The following COL21A1 variants were observed in gnomAD, a reference collection of about 807,000 sequenced individuals.
COL21A1 encodes collagen type XXI alpha 1 chain.
Under a neutral mutation model 137.9 loss-of-function variants are expected in COL21A1, and 149 were observed. The observed-to-expected ratio is 1.08, with a 90% CI of 0.95 to 1.24. The LOEUF (loss-of-function observed/expected upper bound fraction) is 1.24. Ranked by LOEUF, COL21A1 falls within the 50% of genes most tolerant of loss-of-function variation. COL21A1 has a pLI of 0.00. For missense variants in COL21A1, 1,167 were observed against 1,158.4 expected (o/e 1.01, Z -0.11); for synonymous variants, 456 against 391.5 (o/e 1.16, Z -1.95).
chr6:56,076,108 C>G (rs1767214344), intron 18 of COL21A1, among the ~76,000 whole-genome samples: 1 of 151,316 alleles, frequency 6.6e-6, no homozygotes, highest in African/African-American at 2.4e-5. Context: ...AGAAACCATG[C>G]CAGAGACAGA....
intron 12 of COL21A1, among the ~76,000 whole-genome samples, chr6:56,137,994 G>C (rs947300903): frequency 6.6e-6 from 1 of 152,126 alleles, no homozygotes; most frequent in Non-Finnish European, 1.5e-5. Flanking sequence ...ATTTAGGGAG[G>C]GCAAAGCTAG....
chr6:56,191,404 G>A (rs1778663892), intron 1 of COL21A1, among the ~76,000 whole-genome samples: 1 of 147,980 alleles, frequency 6.8e-6, no homozygotes, highest in Non-Finnish European at 1.5e-5. Context: ...GACCAACATG[G>A]TGAAACCCAT....
At chr6:56,121,933 A>G (rs1423346128) in intron 16 of COL21A1, among the ~76,000 whole-genome samples, 1 of 152,114 alleles carries the variant, frequency 6.6e-6, no homozygotes, top group African/African-American at 2.4e-5. Context: ...GACCCATGCT[A>G]ATGAGAAAAT....
At position 56,152,031 on chromosome 6, in the gene COL21A1, T is replaced by C. The variant is rs150648969; in HGVS notation, c.1434+4856A>G. Among the ~76,000 whole-genome samples, 929 of 152,324 alleles carry C rather than the reference T, an allele frequency of 6.1e-3. 10 individuals carry two copies. The highest frequency in any genetic ancestry group is 0.021 in the African/African-American group (892 of 41,566). ...ATGTATCAGTTTCCTACTGCTGCTA[T>C]AACAAATTACCCCAAACACAGCAGC... On this transcript the variant is annotated intron_variant, in intron 10 of 29. Coordinates refer to ENST00000244728, the MANE Select transcript of COL21A1 (RefSeq NM_030820.4).
chr6:56,338,077 C>T (rs1474072442), intron 1 of COL21A1, among the ~76,000 whole-genome samples: 6 of 151,258 alleles, frequency 4.0e-5, no homozygotes, highest in East Asian at 2.0e-4. Context: ...ATTCTCCTGC[C>T]TCATCCTCCC....
chr6:56,319,453 T>C (rs1416644092), intron 1 of COL21A1, among the ~76,000 whole-genome samples: 1 of 152,152 alleles, frequency 6.6e-6, no homozygotes, highest in Non-Finnish European at 1.5e-5. Context: ...TTCTCTTGCC[T>C]CAGCTTCCCA....
At chr6:56,075,787 T>G (rs1474293078) in intron 18 of COL21A1, among the ~76,000 whole-genome samples, 1 of 151,430 alleles carries the variant, frequency 6.6e-6, no homozygotes, top group Non-Finnish European at 1.5e-5. Context: ...CCTAGTAGCT[T>G]AGATGGAGTT....
chr6:56,104,056 T>C (rs1770673110), intron 16 of COL21A1, among the ~76,000 whole-genome samples: 1 of 152,220 alleles, frequency 6.6e-6, no homozygotes, highest in Non-Finnish European at 1.5e-5. Flanking sequence ...CTGAATTTTA[T>C]TATGCTAAGT....
At chr6:56,158,265 TC>T (rs1554147708) in intron 9 of COL21A1, among the ~76,000 whole-genome samples, 3 of 77,310 alleles carry the variant, frequency 3.9e-5, no homozygotes, top group African/African-American at 1.1e-4. Context: ...TTTTTTTTTT[TC>T]TTTTTTTTTT....
intron 16 of COL21A1, among the ~76,000 whole-genome samples, chr6:56,102,987 T>C (rs1398966222): frequency 1.3e-5 from 2 of 152,116 alleles, no homozygotes; most frequent in African/African-American, 4.8e-5. Flanking sequence ...AAAGCTAGTT[T>C]AAAAAGCCTG....
chr6:56,365,947 A>C (rs972030285), intron 1 of COL21A1, among the ~76,000 whole-genome samples: 2 of 152,228 alleles, frequency 1.3e-5, no homozygotes, highest in Non-Finnish European at 2.9e-5. Flanking sequence ...AAAAAAGAAT[A>C]AAAAGACAAC....
chr6:56,123,638 G>A (rs1413873582), intron 16 of COL21A1, among the ~76,000 whole-genome samples: 2 of 152,090 alleles, frequency 1.3e-5, no homozygotes, highest in Non-Finnish European at 2.9e-5. Context: ...TTTTTTCATA[G>A]ACAATGAATT....
intron 1 of COL21A1, among the ~76,000 whole-genome samples, chr6:56,260,967 C>T (rs1475604480): frequency 1.3e-5 from 2 of 151,016 alleles, no homozygotes; most frequent in Non-Finnish European, 2.9e-5. Context: ...TCTTTTCTTA[C>T]ATATTCAAGT....
chr6:56,279,077 A>T (rs1763736151), intron 1 of COL21A1, among the ~76,000 whole-genome samples: 1 of 152,052 alleles, frequency 6.6e-6, no homozygotes, highest in Non-Finnish European at 1.5e-5. Flanking sequence ...GATCACAGAG[A>T]TGTTTCTCAT....
chr6:56,084,448 A>C (rs1483788251), intron 17 of COL21A1, among the ~76,000 whole-genome samples: 1 of 151,934 alleles, frequency 6.6e-6, no homozygotes, highest in Non-Finnish European at 1.5e-5. Context: ...ATGAGTAACA[A>C]TTGTTACTGC....
At chr6:56,069,144 A>G (rs12189567) in intron 21 of COL21A1, 27 bp from the exon 22 acceptor site, 217,950 of 1,503,964 alleles carry the variant, frequency 0.14, 16,272 homozygotes, top group Admixed American at 0.17. Context: ...TTCCAGAAAG[A>G]TCACAGATCT....
intron 1 of COL21A1, among the ~76,000 whole-genome samples, chr6:56,303,707 A>G (rs1764360063): frequency 6.6e-6 from 1 of 152,108 alleles, no homozygotes. Context: ...TCTTTTCCTA[A>G]TTGAATACCC....
intron 1 of COL21A1, among the ~76,000 whole-genome samples, chr6:56,198,683 A>G (rs1779189843): frequency 6.6e-6 from 1 of 152,160 alleles, no homozygotes; most frequent in African/African-American, 2.4e-5. Flanking sequence ...TAAGGAGGCC[A>G]TGCTTTCAGA....
In COL21A1 at chr6:56,057,400, C is replaced by T; in HGVS notation, c.*257G>A. 2.4e-6 allele frequency: 1 copy of T among 417,290 alleles called. No homozygotes were observed. The highest frequency in any genetic ancestry group is 4.2e-6 in the Non-Finnish European group (1 of 235,868). 25.8% of individuals were successfully genotyped at this position (417,290 alleles called of 1,614,324 possible). A position where few individuals can be genotyped will look rare whatever the true frequency, so the allele number is the denominator to read the frequency against. Reference sequence around the variant, plus strand: ...GGCAATGGTGGATTTTTATATTCAACTTTGATTAACATAAATGGACTTTAC... The same window carrying T: ...GGCAATGGTGGATTTTTATATTCAATTTTGATTAACATAAATGGACTTTAC... On this transcript the variant is annotated 3_prime_UTR_variant, in exon 30 of 30. Coordinates refer to ENST00000244728, the MANE Select transcript of COL21A1 (RefSeq NM_030820.4).
Sources: gnomAD v4.1 joint callset for allele counts (sites outside exome capture counted in the v4.1 genomes callset) on GRCh38, gnomAD v4.1.1 for gene constraint, MANE v1.5 for transcripts, NCBI Gene and HGNC (gene_info 2026-07-23, HGNC 2026-07-21) for gene names.